Variants in WASF1 observed in about 807,000 individuals in gnomAD.
WASF1 encodes actin-binding protein WASF1.
Under a neutral mutation model 50.5 loss-of-function variants are expected in WASF1, and 7 were observed. The observed-to-expected ratio is 0.14, with a 90% CI of 0.08 to 0.26. The LOEUF (loss-of-function observed/expected upper bound fraction) is 0.26, where lower values mean the gene tolerates loss of function less well. WASF1 is among the 10% of genes least tolerant of loss of function. WASF1 has a pLI of 1.00. For synonymous variants in WASF1, 205 were observed against 244.0 expected (o/e 0.84, Z 1.49); for missense variants, 470 against 694.7 (o/e 0.68, Z 3.64).
intron 8 of WASF1, among the ~76,000 whole-genome samples, chr6:110,104,194 A>T (rs1228003955): frequency 1.3e-5 from 2 of 152,228 alleles, no homozygotes; most frequent in East Asian, 3.8e-4. Context: ...ACATGTTAAG[A>T]TTTATAAATA....
At chr6:110,134,381 T>C (rs149524153) in intron 3 of WASF1, among the ~76,000 whole-genome samples, 2,928 of 152,176 alleles carry the variant, frequency 0.019, 93 homozygotes, top group African/African-American at 0.067. Context: ...TATCTGACTT[T>C]ATTTCTGGGT....
intron 2 of WASF1, among the ~76,000 whole-genome samples, chr6:110,170,986 A>G (rs773480418): frequency 1.3e-5 from 2 of 152,206 alleles, no homozygotes; most frequent in African/African-American, 4.8e-5. Context: ...ACTCATGATC[A>G]CAGCTAGAGA....
chr6:110,149,659 G>C (rs530960324), intron 3 of WASF1, among the ~76,000 whole-genome samples: 1 of 152,244 alleles, frequency 6.6e-6, no homozygotes, highest in East Asian at 1.9e-4. Context: ...GCAGAGATGA[G>C]ACTAGATTTT....
At chr6:110,149,826 C>T (rs909141652) in intron 3 of WASF1, among the ~76,000 whole-genome samples, 10 of 152,034 alleles carry the variant, frequency 6.6e-5, no homozygotes, top group Non-Finnish European at 1.2e-4. Flanking sequence ...GTACACTGTA[C>T]CCAGTATGTA....
rs372725977 is a variant in WASF1, at chr6:110,107,064, T to C, written c.540+13A>G. The C allele has an allele frequency of 5.8e-6, 9 of 1,554,712 alleles. No individual in the cohort carries two copies. In the African/African-American group the frequency reaches 1.2e-4, roughly 21 times the overall value. ...ACAAAAATTAACCTCAATTTTTTAA[T>C]CTCTTGTAATACCTTCTGCTTCCTC... On this transcript the variant is annotated intron_variant, in intron 7 of 10. Transcript: ENST00000392589.
chr6:110,117,828 T>C (rs1215211073), intron 4 of WASF1, among the ~76,000 whole-genome samples: 1 of 152,088 alleles, frequency 6.6e-6, no homozygotes, highest in Non-Finnish European at 1.5e-5. Context: ...GCAGAAACCC[T>C]ACAAGCCAGA....
At chr6:110,137,615 T>C (rs1399486640) in intron 3 of WASF1, among the ~76,000 whole-genome samples, 2 of 152,206 alleles carry the variant, frequency 1.3e-5, no homozygotes, top group African/African-American at 4.8e-5. Flanking sequence ...ATGTTGCACA[T>C]GACGAAAGGA....
At chr6:110,141,448 C>T (rs989393319) in intron 3 of WASF1, among the ~76,000 whole-genome samples, 1 of 152,178 alleles carries the variant, frequency 6.6e-6, no homozygotes, top group African/African-American at 2.4e-5. Flanking sequence ...TTTCTGAAGA[C>T]TAACTGAATC....
intron 3 of WASF1, among the ~76,000 whole-genome samples, chr6:110,152,951 A>G (rs1035469639): frequency 3.9e-5 from 6 of 152,052 alleles, no homozygotes; most frequent in Non-Finnish European, 7.4e-5. Flanking sequence ...CCATAGATTA[A>G]TTTGCTTGTT....
intron 6 of WASF1, 38 bp from the exon 7 acceptor site, chr6:110,107,232 A>T: frequency 1.6e-6 from 2 of 1,286,496 alleles, no homozygotes; most frequent in Non-Finnish European, 2.2e-6. Context: ...CACATTAGTA[A>T]GACTTAGGCA....
At chr6:110,151,562 T>C (rs1229880080) in intron 3 of WASF1, among the ~76,000 whole-genome samples, 4 of 152,186 alleles carry the variant, frequency 2.6e-5, no homozygotes, top group African/African-American at 9.7e-5. Flanking sequence ...ATCAACAAAA[T>C]GCACACTTAC....
chr6:110,158,775 C>G (rs1776133159), intron 3 of WASF1, among the ~76,000 whole-genome samples: 1 of 151,894 alleles, frequency 6.6e-6, no homozygotes, highest in African/African-American at 2.4e-5. Context: ...TTAGAACCAG[C>G]TACTATTCTA....
intron 2 of WASF1, among the ~76,000 whole-genome samples, chr6:110,162,643 G>T (rs1056502975): frequency 6.6e-6 from 1 of 151,190 alleles, no homozygotes; most frequent in Non-Finnish European, 1.5e-5. Context: ...CGTATCAACA[G>T]GCTAAAGAAG....
chr6:110,136,019 G>A (rs1053278295), intron 3 of WASF1, among the ~76,000 whole-genome samples: 1 of 151,612 alleles, frequency 6.6e-6, no homozygotes, highest in Non-Finnish European at 1.5e-5. Context: ...GAGTAGCTGG[G>A]ACTACAGGCA....
chr6:110,173,609 G>A (rs182321784), intron 2 of WASF1, among the ~76,000 whole-genome samples: 27 of 152,246 alleles, frequency 1.8e-4, no homozygotes, highest in African/African-American at 6.5e-4. Context: ...CAAAAAGGAG[G>A]ACTTATGACA....
intron 3 of WASF1, among the ~76,000 whole-genome samples, chr6:110,145,809 G>A (rs1775531514): frequency 6.6e-6 from 1 of 152,062 alleles, no homozygotes. Flanking sequence ...CATAAAAAAT[G>A]ATGAGTTCAT....
intron 9 of WASF1, 62 bp from the exon 10 acceptor site, chr6:110,102,278 A>C: frequency 7.5e-7 from 1 of 1,335,748 alleles, no homozygotes; most frequent in Non-Finnish European, 9.7e-7. Flanking sequence ...AGAAAATCTA[A>C]CCACACAAAC....
At chr6:110,167,885 A>G (rs1364123816) in intron 2 of WASF1, among the ~76,000 whole-genome samples, 1 of 152,058 alleles carries the variant, frequency 6.6e-6, no homozygotes, top group Non-Finnish European at 1.5e-5. Context: ...ATTGATGATA[A>G]CCAAAACAAA....
At chr6:110,165,014 A>G (rs137879203) in intron 2 of WASF1, among the ~76,000 whole-genome samples, 1,939 of 151,716 alleles carry the variant, frequency 0.013, 49 homozygotes, top group African/African-American at 0.044. Flanking sequence ...GGGTGAAAAG[A>G]TTAGTGGTTT....
Sources: gnomAD v4.1 joint callset for allele counts (sites outside exome capture counted in the v4.1 genomes callset) on GRCh38, gnomAD v4.1.1 for gene constraint, MANE v1.5 for transcripts, NCBI Gene and HGNC (gene_info 2026-07-23, HGNC 2026-07-21) for gene names.